ARHGAP10: variants seen among roughly 807,000 people sequenced by gnomAD.
The protein encoded by ARHGAP10 is rho GTPase-activating protein 10.
ARHGAP10 carries 87 observed loss-of-function variants against 108.6 expected under a neutral mutation model. That is an observed-to-expected ratio of 0.80 (90% CI 0.67 to 0.96). The LOEUF is 0.96. Ranked by LOEUF, ARHGAP10 falls within the 40% of genes least tolerant of loss-of-function variation. The pLI is 0.00. For missense variants in ARHGAP10, 939 were observed against 954.5 expected, an observed-to-expected ratio of 0.98 and a Z score of 0.21; for synonymous variants, 347 against 341.1, an observed-to-expected ratio of 1.02 and a Z score of -0.19.
At chr4:147,961,539 T>A (rs536305111) in intron 16 of ARHGAP10, among the ~76,000 whole-genome samples, 1 of 152,352 alleles carries the variant, frequency 6.6e-6, no homozygotes, top group African/African-American at 2.4e-5. Context: ...ATTTAACTTT[T>A]GTCATAAGGA....
intron 10 of ARHGAP10, among the ~76,000 whole-genome samples, chr4:147,893,117 G>A (rs1735852444): frequency 6.6e-6 from 1 of 151,998 alleles, no homozygotes; most frequent in Non-Finnish European, 1.5e-5. Context: ...GGAGCGCAGT[G>A]GCGTGATCTT....
chr4:147,889,995 AG>A (rs1735732651), intron 10 of ARHGAP10, among the ~76,000 whole-genome samples: 1 of 152,226 alleles, frequency 6.6e-6, no homozygotes, highest in Admixed American at 6.5e-5. Context: ...TACTTTTATC[AG>A]TCACCTGAGG....
intron 13 of ARHGAP10, among the ~76,000 whole-genome samples, chr4:147,938,588 C>G (rs1027041207): frequency 6.6e-6 from 1 of 152,188 alleles, no homozygotes; most frequent in Non-Finnish European, 1.5e-5. Flanking sequence ...GAGGTTTCCT[C>G]TCTTCCTCAT....
At chr4:147,879,369 A>G in intron 9 of ARHGAP10, 31 bp downstream of exon 9, 1 of 1,583,992 alleles carries the variant, frequency 6.3e-7, no homozygotes, top group Non-Finnish European at 8.6e-7. Flanking sequence ...AGAATAGATT[A>G]TAATCTGTCA....
chr4:147,869,880 A>G (rs796313309), intron 7 of ARHGAP10, among the ~76,000 whole-genome samples: 4 of 152,112 alleles, frequency 2.6e-5, no homozygotes, highest in African/African-American at 7.2e-5. Flanking sequence ...TACCTCAGTG[A>G]TGTTGTAATT....
At chr4:147,804,416 G>C (rs1731699438) in intron 1 of ARHGAP10, among the ~76,000 whole-genome samples, 1 of 152,134 alleles carries the variant, frequency 6.6e-6, no homozygotes, top group African/African-American at 2.4e-5. Context: ...TGGACATCTA[G>C]GTTGATTCCC....
At chr4:147,937,076 C>A (rs1225457618) in intron 13 of ARHGAP10, among the ~76,000 whole-genome samples, 1 of 152,200 alleles carries the variant, frequency 6.6e-6, no homozygotes, top group Non-Finnish European at 1.5e-5. Flanking sequence ...ATCCCCCCCA[C>A]CCCAATCGGT....
At chr4:147,738,095 T>A in intron 1 of ARHGAP10, among the ~76,000 whole-genome samples, 1 of 151,782 alleles carries the variant, frequency 6.6e-6, no homozygotes, top group East Asian at 1.9e-4. Context: ...GGTATTTTTG[T>A]GTTTAATCTT....
At chr4:147,937,448 A>G (rs780195262) in intron 13 of ARHGAP10, among the ~76,000 whole-genome samples, 66 of 152,198 alleles carry the variant, frequency 4.3e-4, no homozygotes, top group Non-Finnish European at 5.3e-4. Context: ...TTAGGACGTC[A>G]ACAGATGAAT....
intron 7 of ARHGAP10, 99 bp downstream of exon 7, chr4:147,866,915 T>C: frequency 9.5e-7 from 1 of 1,054,192 alleles, no homozygotes; most frequent in Non-Finnish European, 1.4e-6. Flanking sequence ...ACAATGCTGA[T>C]CTGTTTGTAC....
At chr4:147,866,933 CTG>C in intron 7 of ARHGAP10, 117 bp downstream of exon 7, 1 of 840,908 alleles carries the variant, frequency 1.2e-6, no homozygotes, top group Non-Finnish European at 1.8e-6. Context: ...TACTGAGAAA[CTG>C]AGGGTATGCT....
intron 1 of ARHGAP10, among the ~76,000 whole-genome samples, chr4:147,752,042 C>T (rs1729174595): frequency 6.6e-6 from 1 of 152,030 alleles, no homozygotes; most frequent in South Asian, 2.1e-4. Context: ...TGCGCCACCA[C>T]ACCCAGCTAA....
chr4:147,822,605 T>G, intron 1 of ARHGAP10, 122 bp from the exon 2 acceptor site: 1 of 966,182 alleles, frequency 1.0e-6, no homozygotes, highest in Non-Finnish European at 1.6e-6. Flanking sequence ...AGTTGGGTCA[T>G]GCCTTCTCAT....
chr4:147,886,310 G>T (rs1735557714), intron 10 of ARHGAP10, among the ~76,000 whole-genome samples: 1 of 152,126 alleles, frequency 6.6e-6, no homozygotes, highest in Admixed American at 6.5e-5. Flanking sequence ...TTGGCTTCTT[G>T]ACTTGTTAAG....
At chr4:148,009,839 C>T (rs1040707975) in intron 18 of ARHGAP10, among the ~76,000 whole-genome samples, 6 of 152,048 alleles carry the variant, frequency 3.9e-5, no homozygotes, top group Non-Finnish European at 8.8e-5. Context: ...CCCTTTGAGT[C>T]GAGTTTCCTT....
intron 15 of ARHGAP10, among the ~76,000 whole-genome samples, chr4:147,947,404 A>G (rs1738428309): frequency 6.6e-6 from 1 of 151,852 alleles, no homozygotes; most frequent in Admixed American, 6.6e-5. Flanking sequence ...GCCTAGGACC[A>G]GTTCTTTTTT....
At chr4:147,804,758 A>T (rs1731714964) in intron 1 of ARHGAP10, among the ~76,000 whole-genome samples, 1 of 151,848 alleles carries the variant, frequency 6.6e-6, no homozygotes, top group South Asian at 2.1e-4. Flanking sequence ...TTTTTTTTAT[A>T]TGATTGTTGG....
At chr4:147,899,109 T>C (rs1432577260) in intron 10 of ARHGAP10, among the ~76,000 whole-genome samples, 1 of 152,194 alleles carries the variant, frequency 6.6e-6, no homozygotes, top group South Asian at 2.1e-4. Flanking sequence ...GCTCTCAGAC[T>C]TCCTCATGAG....
intron 11 of ARHGAP10, among the ~76,000 whole-genome samples, chr4:147,909,307 C>T (rs1477095918): frequency 1.3e-5 from 2 of 152,186 alleles, no homozygotes; most frequent in Non-Finnish European, 2.9e-5. Flanking sequence ...AGCACTTCCT[C>T]ATGTTCACCA....
Sources: gnomAD v4.1 joint callset for allele counts (sites outside exome capture counted in the v4.1 genomes callset) on GRCh38, gnomAD v4.1.1 for gene constraint, MANE v1.5 for transcripts, NCBI Gene and HGNC (gene_info 2026-07-23, HGNC 2026-07-21) for gene names.